Variants in CECR2 observed in about 807,000 individuals in gnomAD.
CECR2 encodes CECR2 histone acetyl-lysine reader, also known as chromatin remodeling regulator CECR2.
Under a neutral mutation model 154.5 loss-of-function variants are expected in CECR2, and 30 were observed. The ratio of observed to expected loss-of-function variants is 0.19; its 90% CI spans 0.15 to 0.26. The LOEUF is 0.26. Among genes scored for constraint, CECR2 ranks in the 10% least tolerant of loss-of-function variants. The pLI is 1.00. For missense variants in CECR2, 1,743 were observed against 1,829.3 expected, an observed-to-expected ratio of 0.95 and a Z score of 0.86; for synonymous variants, 725 against 683.7, an observed-to-expected ratio of 1.06 and a Z score of -0.94.
intron 1 of CECR2, among the ~76,000 whole-genome samples, chr22:17,446,664 T>C (rs1342935923): frequency 6.6e-6 from 1 of 152,082 alleles, no homozygotes; most frequent in Admixed American, 6.5e-5. Context: ...TACAGTGAGC[T>C]GAGATCCTGC....
At chr22:17,466,177 C>G (rs2055029331) in intron 1 of CECR2, among the ~76,000 whole-genome samples, 1 of 152,112 alleles carries the variant, frequency 6.6e-6, no homozygotes, top group African/African-American at 2.4e-5. Flanking sequence ...GTCTTGAACT[C>G]CTGGTCTCCC....
intron 7 of CECR2, among the ~76,000 whole-genome samples, chr22:17,509,904 A>G (rs1161717190): frequency 1.3e-5 from 2 of 152,204 alleles, no homozygotes; most frequent in African/African-American, 4.8e-5. Flanking sequence ...GTATTATATG[A>G]TCGTCCTCTA....
intron 1 of CECR2, among the ~76,000 whole-genome samples, chr22:17,429,547 AAAAC>A: frequency 1.4e-5 from 2 of 146,534 alleles, no homozygotes. Flanking sequence ...ACCAAAAACA[AAAAC>A]AAAAACAAAG....
At chr22:17,408,291 G>GCT (rs2054015891) in intron 1 of CECR2, among the ~76,000 whole-genome samples, 1 of 144,182 alleles carries the variant, frequency 6.9e-6, no homozygotes, top group Non-Finnish European at 1.5e-5. Context: ...TTTTTGTGGT[G>GCT]CTCTGGAAAG....
intron 1 of CECR2, among the ~76,000 whole-genome samples, chr22:17,465,027 C>T (rs1414636140): frequency 7.3e-6 from 1 of 136,912 alleles, no homozygotes; most frequent in African/African-American, 2.7e-5. Context: ...GACGAAGTCT[C>T]GCTTTGTCGC....
chr22:17,551,982 G>A (rs571177884), intron 17 of CECR2, 49 bp from the exon 18 acceptor site: 73 of 1,566,226 alleles, frequency 4.7e-5, no homozygotes, highest in South Asian at 1.9e-4. Context: ...TTCTTCTGTC[G>A]TTAACACGTC....
intron 1 of CECR2, among the ~76,000 whole-genome samples, chr22:17,421,779 C>T (rs1346076928): frequency 6.6e-6 from 1 of 150,636 alleles, no homozygotes; most frequent in African/African-American, 2.4e-5. Flanking sequence ...GGTGACAGAG[C>T]GAGACTCCGT....
intron 12 of CECR2, 26 bp downstream of exon 12, chr22:17,538,757 C>A: frequency 6.4e-7 from 1 of 1,561,138 alleles, no homozygotes; most frequent in Admixed American, 1.7e-5. Context: ...GCAGTAATGC[C>A]TACTATAGTG....
chr22:17,466,917 A>G (rs1005570279), intron 1 of CECR2, among the ~76,000 whole-genome samples: 1 of 151,886 alleles, frequency 6.6e-6, no homozygotes, highest in African/African-American at 2.4e-5. Flanking sequence ...TTTCCTTTAC[A>G]TTCAGTGTTT....
intron 1 of CECR2, among the ~76,000 whole-genome samples, chr22:17,363,577 A>T (rs2062987675): frequency 4.0e-5 from 6 of 151,752 alleles, no homozygotes; most frequent in Admixed American, 3.9e-4. Context: ...TCCTGACCTC[A>T]GGTGATCTGC....
intron 1 of CECR2, among the ~76,000 whole-genome samples, chr22:17,420,288 A>G (rs1166967779): frequency 1.3e-5 from 2 of 152,224 alleles, no homozygotes; most frequent in Admixed American, 6.5e-5. Flanking sequence ...ATTTAGAAAT[A>G]TGGGAAGATT....
At chr22:17,534,398 C>G (rs1357782847) in intron 9 of CECR2, among the ~76,000 whole-genome samples, 1 of 152,088 alleles carries the variant, frequency 6.6e-6, no homozygotes, top group Non-Finnish European at 1.5e-5. Context: ...ACACTAAAGG[C>G]CAGAACCTTT....
chr22:17,479,629 G>C (rs886364258), intron 2 of CECR2, among the ~76,000 whole-genome samples: 24 of 152,072 alleles, frequency 1.6e-4, no homozygotes, highest in African/African-American at 5.8e-4. Flanking sequence ...AATTCTGCTT[G>C]TTTGTTCTTC....
At chr22:17,544,004 G>C (rs1381179489) in intron 16 of CECR2, among the ~76,000 whole-genome samples, 1 of 152,144 alleles carries the variant, frequency 6.6e-6, no homozygotes, top group East Asian at 1.9e-4. Context: ...TGAGATTTGG[G>C]CCCAGACAGA....
intron 1 of CECR2, among the ~76,000 whole-genome samples, chr22:17,416,557 C>T (rs1049313480): frequency 6.6e-6 from 1 of 152,204 alleles, no homozygotes; most frequent in Admixed American, 6.5e-5. Flanking sequence ...CAGAGTCTTG[C>T]TCTGGTCGCC....
chr22:17,431,639 T>C (rs1569078272), intron 1 of CECR2, among the ~76,000 whole-genome samples: 2 of 152,196 alleles, frequency 1.3e-5, no homozygotes, highest in Non-Finnish European at 2.9e-5. Context: ...AAGAAAACTA[T>C]ATTTATATTT....
chr22:17,542,416 A>G lies in CECR2; in HGVS notation c.2273A>G (p.His758Arg), dbSNP rs748762083. The change falls in exon 16 of 19, where the codon CAT becomes CGT. Residue 758 changes from histidine (H) to arginine (R), a missense_variant. This residue lies in a region of CECR2 where 1,250 missense variants were observed against 1,192.1 expected (regional missense o/e 1.05). Transcript: ENST00000262608. Reference protein sequence around the residue: ...FPESSEIPPSHMYRSYKYLNR... With the variant: ...FPESSEIPPSRMYRSYKYLNR... Reference sequence around the variant, plus strand: ...GAAAGCTCAGAAATTCCTCCCAGCCATATGTATCGATCGTACAAGTACCTG... The same window carrying G: ...GAAAGCTCAGAAATTCCTCCCAGCCGTATGTATCGATCGTACAAGTACCTG... The G allele has an allele frequency of 2.5e-6, 4 of 1,613,788 alleles. No homozygotes were observed. Among genetic ancestry groups the G allele is most frequent in the African/African-American group, 1.3e-5 (1 of 74,916 alleles).
In CECR2 at chr22:17,525,477, A is replaced by G. The variant is rs184414266; in HGVS notation, c.1108+1206A>G. On this transcript the variant is annotated intron_variant, in intron 9 of 18. Transcript: ENST00000262608. ...CCAACATGGCCAAACGTGGTAGCTC[A>G]CGCCTGTAATCCCAGCTACTCAGGA... Among the ~76,000 whole-genome samples, 292 of 151,800 alleles carry G rather than the reference A, an allele frequency of 1.9e-3. 3 individuals carry two copies. The highest frequency in any genetic ancestry group is 6.6e-3 in the African/African-American group (273 of 41,404).
At chr22:17,367,965 T>C (rs1363292180), upstream of CECR2, among the ~76,000 whole-genome samples, 1 of 152,168 alleles carries the variant, frequency 6.6e-6, no homozygotes. Context: ...CTTTAAATCA[T>C]CAAATAGTTC....
Sources: gnomAD v4.1 joint callset for allele counts (sites outside exome capture counted in the v4.1 genomes callset) on GRCh38, gnomAD v4.1.1 for gene constraint, gnomAD v4.1.1 regional missense constraint, MANE v1.5 for transcripts, NCBI Gene and HGNC (gene_info 2026-07-23, HGNC 2026-07-21) for gene names.